Variants in TMEM183A observed in about 807,000 individuals in gnomAD.
TMEM183A encodes the protein transmembrane protein 183A, also known as chromosome 1 open reading frame 37.
In TMEM183A, 21 loss-of-function variants were observed where a neutral mutation model predicts 46.7. That is an observed-to-expected ratio of 0.45 (90% confidence interval 0.32 to 0.65). The LOEUF (loss-of-function observed/expected upper bound fraction) is 0.65, where lower values mean the gene tolerates loss of function less well. Among genes scored for constraint, TMEM183A ranks in the 30% least tolerant of loss-of-function variants. The pLI is 0.04. For missense variants in TMEM183A, 331 were observed against 481.9 expected, an observed-to-expected ratio of 0.69 and a Z score of 2.93; for synonymous variants, 165 against 180.2, an observed-to-expected ratio of 0.92 and a Z score of 0.68.
At chr1:203,017,717 T>C (rs190276133) in intron 5 of TMEM183A, 28 of 985,710 alleles carry the variant, frequency 2.8e-5, no homozygotes, top group Admixed American at 6.1e-5. Flanking sequence ...TTCTGGACTC[T>C]AGCTTTTCGT....
At chr1:203,017,852 C>T (rs1657314027) in intron 5 of TMEM183A, 5 of 985,984 alleles carry the variant, frequency 5.1e-6, no homozygotes, top group Non-Finnish European at 4.8e-6. Flanking sequence ...AACAGCAGGA[C>T]GTACAGGGCA....
chr1:203,020,738 T>C, intron 6 of TMEM183A, 55 bp from the exon 7 acceptor site: 1 of 1,610,420 alleles, frequency 6.2e-7, no homozygotes, highest in Non-Finnish European at 8.5e-7. Flanking sequence ...GGTGGACTCT[T>C]AGAGCCATAT....
At chr1:203,020,750 A>G in intron 6 of TMEM183A, 43 bp from the exon 7 acceptor site, 1 of 1,612,594 alleles carries the variant, frequency 6.2e-7, no homozygotes, top group Non-Finnish European at 8.5e-7. Flanking sequence ...GAGCCATATA[A>G]TGTTTCTTCT....
rs750426595 is a variant in TMEM183A at position 203,022,858 on chromosome 1, A to G, written c.949A>G (p.Thr317Ala). 1 of 1,613,910 alleles carries G rather than the reference A, an allele frequency of 6.2e-7. No homozygotes were observed. The highest frequency in any genetic ancestry group is 1.1e-5 in the South Asian group (1 of 91,070). ...IVMGMIFTLF[T>A]INVSTDMRHH... ...TGAATTTGCTTTTCCATTTCAGTTT[A>G]CTATCAATGTGAGCACGGACATGCG... Residue 317 changes from threonine to alanine, a missense_variant, in exon 8 of 8, where the codon ACT (threonine) becomes GCT (alanine). Thr to Ala is a moderately conservative substitution (Grantham distance 58). This residue lies in a region of TMEM183A where 233 missense variants were observed against 385.8 expected (regional missense o/e 0.60). Transcript: ENST00000367242.
chr1:203,016,258 A>G, intron 5 of TMEM183A, 118 bp downstream of exon 5: 1 of 1,401,664 alleles, frequency 7.1e-7, no homozygotes, highest in South Asian at 1.2e-5. Flanking sequence ...CTGCTAGGGG[A>G]CTAATGTAAA....
intron 3 of TMEM183A, among the ~76,000 whole-genome samples, chr1:203,011,770 A>G (rs1285866712): frequency 1.3e-5 from 2 of 151,894 alleles, no homozygotes; most frequent in African/African-American, 2.4e-5. Context: ...CACTTATCAG[A>G]TACATGATTT....
rs1224720994 is a variant in TMEM183A at position 203,007,426 on chromosome 1, C to G, written c.-40C>G. 1 of 1,385,076 alleles carries G rather than the reference C, an allele frequency of 7.2e-7. No homozygotes were observed. Among genetic ancestry groups the G allele is most frequent in the Admixed American group, 3.1e-5 (1 of 32,572 alleles). The allele number at this position is 1,385,076 out of a possible 1,614,324, so 85.8% of individuals were successfully genotyped here. On this transcript the variant is annotated 5_prime_UTR_variant, in exon 1 of 8. Transcript: ENST00000367242. Reference sequence around the variant, plus strand: ...GGGATGGCCGCGGAGCCGGGCGGAGCTGGCTTGCGGCTCCCGGGGCCGGCT... The same window carrying G: ...GGGATGGCCGCGGAGCCGGGCGGAGGTGGCTTGCGGCTCCCGGGGCCGGCT...
At chr1:203,018,020 T>C in intron 5 of TMEM183A, 1 of 912,524 alleles carries the variant, frequency 1.1e-6, no homozygotes. Context: ...CCTTACTGGC[T>C]GTCTGCTCCC....
At chr1:203,016,942 C>T (rs939364733) in intron 5 of TMEM183A, among the ~76,000 whole-genome samples, 2 of 152,062 alleles carry the variant, frequency 1.3e-5, no homozygotes, top group Admixed American at 1.3e-4. Context: ...ATAGCATTTC[C>T]CATTCTCTTG....
intron 1 of TMEM183A, 33 bp downstream of exon 1, chr1:203,007,607 T>C (rs1400907241): frequency 1.3e-6 from 2 of 1,532,204 alleles, no homozygotes; most frequent in Admixed American, 2.0e-5. Flanking sequence ...CTGAAACATT[T>C]TGGGGGCTGG....
Position 203,016,053 on chromosome 1 carries a change from G to A in TMEM183A, c.621G>A (p.Leu207=), listed in dbSNP as rs1478487101. The change falls in exon 5 of 8, where the codon CTG becomes CTA. Residue 207 remains leucine, a synonymous_variant. Transcript: ENST00000367242. Reference sequence around the variant, plus strand: ...TCCGGGCTTGTGTGATCCGATCTCTGTACCATATGTATGAGCCATTTGCTG... The same window carrying A: ...TCCGGGCTTGTGTGATCCGATCTCTATACCATATGTATGAGCCATTTGCTG... The part of the protein sequence containing the change: ...RCLRACVIRS[L]YHMYEPFAAR... 5 of 1,614,152 alleles carry A rather than the reference G, an allele frequency of 3.1e-6. No homozygotes were observed. Among genetic ancestry groups the A allele is most frequent in the Non-Finnish European group, 3.4e-6 (4 of 1,179,994 alleles).
At chr1:203,021,629 A>G (rs1220163023) in intron 7 of TMEM183A, among the ~76,000 whole-genome samples, 2 of 152,232 alleles carry the variant, frequency 1.3e-5, no homozygotes, top group South Asian at 4.1e-4. Context: ...TGAGGCATGC[A>G]TATGGGGTTA....
At chr1:203,008,881 G>C in intron 3 of TMEM183A, 71 bp downstream of exon 3, 1 of 1,421,202 alleles carries the variant, frequency 7.0e-7, no homozygotes, top group Admixed American at 2.7e-5. Context: ...TACTTTCCCA[G>C]TAGCACAGGA....
chr1:203,021,399 CTT>C (rs1159711051), intron 7 of TMEM183A, among the ~76,000 whole-genome samples: 2 of 151,690 alleles, frequency 1.3e-5, no homozygotes, highest in African/African-American at 2.4e-5. Flanking sequence ...AGGAAGGTAT[CTT>C]TTTTCAAAAA....
intron 7 of TMEM183A, 34 bp downstream of exon 7, chr1:203,020,982 C>CTT (rs71142585): frequency 3.3e-3 from 4,113 of 1,228,554 alleles, no homozygotes; most frequent in South Asian, 4.2e-3. Flanking sequence ...TTCTCAGCTC[C>CTT]TTTTTTTTTT....
chr1:203,019,315 G>A (rs1450858780), intron 6 of TMEM183A, among the ~76,000 whole-genome samples: 1 of 152,178 alleles, frequency 6.6e-6, no homozygotes, highest in African/African-American at 2.4e-5. Context: ...TGTATTGAAA[G>A]ACAAGGATAA....
chr1:203,008,435 A>G (rs1050613992), intron 2 of TMEM183A, among the ~76,000 whole-genome samples: 12 of 147,512 alleles, frequency 8.1e-5, no homozygotes, highest in Admixed American at 2.7e-4. Context: ...CTTTGGAGTC[A>G]GTTTGCCCAT....
intron 6 of TMEM183A, among the ~76,000 whole-genome samples, chr1:203,018,853 A>G (rs782786): frequency 6.6e-6 from 1 of 152,028 alleles, no homozygotes; most frequent in African/African-American, 2.4e-5. Flanking sequence ...GGAATGCCAA[A>G]AGGGGCTGAG....
chr1:203,008,610 G>A, intron 2 of TMEM183A, 33 bp from the exon 3 acceptor site: 1 of 1,470,468 alleles, frequency 6.8e-7, no homozygotes, highest in Non-Finnish European at 9.1e-7. Flanking sequence ...GTGGAGCTGT[G>A]TGCCATCTCA....
Sources: allele counts gnomAD v4.1 joint callset (sites outside exome capture counted in the v4.1 genomes callset), GRCh38; gene constraint gnomAD v4.1.1; regional missense constraint gnomAD v4.1.1; transcripts MANE v1.5; gene names NCBI Gene and HGNC (gene_info 2026-07-23, HGNC 2026-07-21).